The following NEDD4L variants were observed in gnomAD, a reference collection of about 807,000 sequenced individuals.
NEDD4L encodes E3 ubiquitin-protein ligase NEDD4-like.
In NEDD4L, 54 loss-of-function variants were observed where a neutral mutation model predicts 148.9. The ratio of observed to expected loss-of-function variants is 0.36; its 90% CI spans 0.29 to 0.45. The LOEUF (loss-of-function observed/expected upper bound fraction) is 0.45. NEDD4L is among the 20% of genes least tolerant of loss of function. The pLI, the probability that NEDD4L is intolerant of heterozygous loss-of-function variation, is 1.00. For synonymous variants in NEDD4L, 433 were observed against 440.7 expected (o/e 0.98, Z 0.22); for missense variants, 856 against 1,233.8 (o/e 0.69, Z 4.59).
intron 1 of NEDD4L, among the ~76,000 whole-genome samples, chr18:58,158,588 G>A (rs1431559871): frequency 6.6e-6 from 1 of 152,152 alleles, no homozygotes; most frequent in Non-Finnish European, 1.5e-5. Flanking sequence ...GAGAGATTTA[G>A]GTTGCACAGA....
In NEDD4L at chr18:58,096,745, C is replaced by T. The variant is rs571922104; in HGVS notation, c.48+52037C>T. Among the ~76,000 whole-genome samples, 3 of 152,218 alleles carry T rather than the reference C, an allele frequency of 2.0e-5. No individual in the cohort carries two copies. The South Asian group carries it at 6.2e-4, about 32-fold the overall frequency. ...TGTGAGTTTTGTTTTTAAAAAAGAA[C>T]ATCAGTAAGTTCAGAAACCAACTCC... On this transcript the variant is annotated intron_variant, in intron 1 of 30. Transcript: ENST00000400345.
intron 5 of NEDD4L, among the ~76,000 whole-genome samples, chr18:58,312,493 C>T (rs1449913387): frequency 6.6e-6 from 1 of 152,154 alleles, no homozygotes; most frequent in Non-Finnish European, 1.5e-5. Flanking sequence ...GCTGTGATGG[C>T]CTCAAACGTT....
Position 58,248,893 on chromosome 18 carries a change from T to C in NEDD4L, c.205-6T>C. The C allele has an allele frequency of 6.8e-7, 1 of 1,463,864 alleles. No homozygotes were observed. Among genetic ancestry groups the C allele is most frequent in the Non-Finnish European group, 9.4e-7 (1 of 1,067,134 alleles). 90.7% of individuals were successfully genotyped at this position (1,463,864 alleles called of 1,614,324 possible). A position where few individuals can be genotyped will look rare whatever the true frequency, so the allele number is the denominator to read the frequency against. ...AAAAGATACTACAAGATAATTTCTC[T>C]TCCAGACACTGAACCCAAAATGGAA... On this transcript the variant is annotated splice_region_variant and splice_polypyrimidine_tract_variant and intron_variant, in intron 3 of 30. Coordinates refer to ENST00000400345, the MANE Select transcript of NEDD4L (RefSeq NM_001144967.3).
intron 1 of NEDD4L, among the ~76,000 whole-genome samples, chr18:58,122,613 A>G (rs1011154887): frequency 6.6e-6 from 1 of 152,206 alleles, no homozygotes; most frequent in African/African-American, 2.4e-5. Context: ...AACTTTTCAC[A>G]TGATGTGTAT....
At chr18:58,239,841 C>A (rs1005866681) in intron 2 of NEDD4L, among the ~76,000 whole-genome samples, 4 of 152,232 alleles carry the variant, frequency 2.6e-5, no homozygotes, top group Non-Finnish European at 4.4e-5. Flanking sequence ...CATTTGAGAT[C>A]AGTGCAGGCC....
chr18:58,283,221 G>A (rs940605097), intron 5 of NEDD4L, among the ~76,000 whole-genome samples: 6 of 152,118 alleles, frequency 3.9e-5, no homozygotes, highest in African/African-American at 7.2e-5. Flanking sequence ...GATTACAGGT[G>A]CACGCCACCA....
chr18:58,401,534 T>A lies in NEDD4L; in HGVS notation c.*5265T>A, dbSNP rs896972732. On this transcript the variant is annotated 3_prime_UTR_variant, in exon 31 of 31. Coordinates refer to ENST00000400345, the MANE Select transcript of NEDD4L (RefSeq NM_001144967.3). ...TAAAGAATTATGGAAGCTGGAACAT[T>A]TTCTACATCAAGTGTTATGGGTTGT... The A allele has an allele frequency of 6.6e-6, 1 of 152,216 alleles. No individual in the cohort carries two copies. The highest frequency in any genetic ancestry group is 1.5e-5 in the Non-Finnish European group (1 of 68,030). The allele number at this position is 152,216 out of a possible 1,614,324, so 9.4% of individuals were successfully genotyped here.
intron 2 of NEDD4L, among the ~76,000 whole-genome samples, chr18:58,212,955 GAC>G (rs1324919711): frequency 4.1e-4 from 48 of 117,874 alleles, no homozygotes; most frequent in African/African-American, 2.1e-3. Context: ...AACAAATGCA[GAC>G]AGCTAGCTGG....
chr18:58,386,814 G>A (rs376287783), intron 26 of NEDD4L, among the ~76,000 whole-genome samples: 22 of 152,164 alleles, frequency 1.4e-4, no homozygotes, highest in African/African-American at 5.3e-4. Context: ...GGGCCTTAGG[G>A]ACTTAAAATG....
chr18:58,146,246 GC>G (rs1338572417), intron 1 of NEDD4L, among the ~76,000 whole-genome samples: 1 of 152,212 alleles, frequency 6.6e-6, no homozygotes, highest in Non-Finnish European at 1.5e-5. Flanking sequence ...CAGAAAAGGA[GC>G]TCTGGAGTTG....
intron 2 of NEDD4L, among the ~76,000 whole-genome samples, chr18:58,235,286 T>A (rs2045876220): frequency 6.6e-6 from 1 of 152,198 alleles, no homozygotes; most frequent in Admixed American, 6.5e-5. Context: ...CAGGTTTTAT[T>A]GTTGCTTACT....
intron 1 of NEDD4L, among the ~76,000 whole-genome samples, chr18:58,098,476 T>G (rs920918057): frequency 9.2e-5 from 14 of 152,132 alleles, no homozygotes; most frequent in Admixed American, 8.5e-4. Flanking sequence ...TCCTGAGTGG[T>G]TAGAGGTGTG....
chr18:58,048,248 T>C (rs1276648155), intron 1 of NEDD4L, among the ~76,000 whole-genome samples: 1 of 152,240 alleles, frequency 6.6e-6, no homozygotes, highest in Non-Finnish European at 1.5e-5. Flanking sequence ...CCCTGCTGGC[T>C]TGGGGGTCTT....
At chr18:58,081,503 C>T (rs1179973381) in intron 1 of NEDD4L, among the ~76,000 whole-genome samples, 1 of 151,928 alleles carries the variant, frequency 6.6e-6, no homozygotes, top group Non-Finnish European at 1.5e-5. Context: ...GTGTGAGCCA[C>T]CGCACCCAGC....
At chr18:58,230,381 G>A (rs111495568) in intron 2 of NEDD4L, among the ~76,000 whole-genome samples, 1 of 149,054 alleles carries the variant, frequency 6.7e-6, no homozygotes, top group Non-Finnish European at 1.5e-5. Context: ...GGTATCAGGT[G>A]ATGTTGCGGA....
chr18:58,060,251 G>A (rs906281382), intron 1 of NEDD4L, among the ~76,000 whole-genome samples: 9 of 152,144 alleles, frequency 5.9e-5, no homozygotes, highest in African/African-American at 2.2e-4. Context: ...AAGGAGCTGG[G>A]ACTATATTGT....
chr18:58,132,579 T>G (rs1353435058), intron 1 of NEDD4L, among the ~76,000 whole-genome samples: 2 of 152,192 alleles, frequency 1.3e-5, no homozygotes, highest in Non-Finnish European at 2.9e-5. Flanking sequence ...TACCCCAGTT[T>G]CCTCATTCAC....
In NEDD4L at chr18:58,323,353, G is replaced by T. The variant is rs762191119; in HGVS notation, c.513+19G>T. ...CATGGAGGTACGTGGAGGGCGTCAGGCCTCTCTCCTTGCCTTGAGATCATA... is the reference window on the plus strand; with the variant it reads ...CATGGAGGTACGTGGAGGGCGTCAGTCCTCTCTCCTTGCCTTGAGATCATA... On this transcript the variant is annotated intron_variant, in intron 8 of 30. Coordinates refer to ENST00000400345, the MANE Select transcript of NEDD4L (RefSeq NM_001144967.3). 4.1e-5 allele frequency: 52 copies of T among 1,260,096 alleles called. No homozygotes were observed. Among genetic ancestry groups the T allele is most frequent in the Non-Finnish European group, 5.7e-5 (50 of 871,124 alleles). The allele number at this position is 1,260,096 out of a possible 1,614,324, so 78.1% of individuals were successfully genotyped here.
chr18:58,343,372 A>G (rs1036456009), intron 16 of NEDD4L, among the ~76,000 whole-genome samples: 4 of 152,102 alleles, frequency 2.6e-5, no homozygotes, highest in African/African-American at 9.7e-5. Flanking sequence ...TGCTGGATGG[A>G]AAGGTATTGC....
Sources: allele counts gnomAD v4.1 joint callset (sites outside exome capture counted in the v4.1 genomes callset), GRCh38; gene constraint gnomAD v4.1.1; transcripts MANE v1.5; gene names NCBI Gene and HGNC (gene_info 2026-07-23, HGNC 2026-07-21).